SYNDIG1L: variants seen among roughly 807,000 people sequenced by gnomAD.
The protein encoded by SYNDIG1L is synapse differentiation-inducing gene protein 1-like.
A neutral mutation model predicts 20.1 loss-of-function variants in SYNDIG1L; 13 were observed. The ratio of observed to expected loss-of-function variants is 0.65; its 90% CI spans 0.42 to 1.03. The LOEUF is 1.03. Among genes scored for constraint, SYNDIG1L ranks in the 50% least tolerant of loss-of-function variants. The pLI is 0.00. For synonymous variants in SYNDIG1L, 128 were observed against 129.3 expected, an observed-to-expected ratio of 0.99 and a Z score of 0.07; for missense variants, 294 against 305.1, an observed-to-expected ratio of 0.96 and a Z score of 0.27.
rs565828503 is a variant in SYNDIG1L, at chr14:74,409,799, A to G, written c.-55T>C. The G allele has an allele frequency of 1.4e-6, 2 of 1,386,836 alleles. No individual in the cohort carries two copies. The highest frequency in any genetic ancestry group is 2.6e-5 in the East Asian group (1 of 38,336). The allele number at this position is 1,386,836 out of a possible 1,614,324, so 85.9% of individuals were successfully genotyped here. ...CCTGGGCCAGCTGAGCAGTCCTCAG[A>G]GCCTGTCAGAAGAGCAAGACAGACA... On this transcript the variant is annotated splice_region_variant and 5_prime_UTR_variant, in exon 2 of 4. Coordinates refer to ENST00000331628, the MANE Select transcript of SYNDIG1L (RefSeq NM_001105579.2).
At chr14:74,478,015 G>A in the SYNDIG1L span, among the ~76,000 whole-genome samples, 3 of 152,226 alleles carry the variant, frequency 2.0e-5, no homozygotes, top group Non-Finnish European at 2.9e-5. Flanking sequence ...CTGGCAAACA[G>A]TCACAAGCTG....
the SYNDIG1L span, among the ~76,000 whole-genome samples, chr14:74,434,752 G>A: frequency 6.6e-6 from 1 of 151,974 alleles, no homozygotes; most frequent in East Asian, 1.9e-4. Context: ...CAATGTTATA[G>A]AAACCATTTT....
chr14:74,416,829 T>G (rs1256465583), intron 1 of SYNDIG1L, among the ~76,000 whole-genome samples: 1 of 152,238 alleles, frequency 6.6e-6, no homozygotes, highest in Non-Finnish European at 1.5e-5. Context: ...AAATGCTATA[T>G]ATCATCTCAT....
chr14:74,408,921 G>A (rs1209740858), intron 2 of SYNDIG1L, among the ~76,000 whole-genome samples: 1 of 152,128 alleles, frequency 6.6e-6, no homozygotes, highest in East Asian at 1.9e-4. Flanking sequence ...CTCAAAGCTA[G>A]TGTTTCTCAA....
chr14:74,471,621 C>T, the SYNDIG1L span, among the ~76,000 whole-genome samples: 6 of 151,926 alleles, frequency 3.9e-5, no homozygotes, highest in African/African-American at 1.5e-4. Context: ...CACACATACA[C>T]ACACACACAC....
At chr14:74,427,709 A>T (rs1282794929), upstream of SYNDIG1L, among the ~76,000 whole-genome samples, 6 of 152,116 alleles carry the variant, frequency 3.9e-5, no homozygotes. Context: ...TCAGGCCCAT[A>T]CTTCATCTTC....
At chr14:74,416,649 C>CCAAA (rs113071824) in intron 1 of SYNDIG1L, among the ~76,000 whole-genome samples, 15,955 of 150,682 alleles carry the variant, frequency 0.11, 2,019 homozygotes, top group African/African-American at 0.3. Flanking sequence ...CAAAAACAAA[C>CCAAA]CAAACAAACA....
At chr14:74,415,836 G>A (rs141304811) in intron 1 of SYNDIG1L, among the ~76,000 whole-genome samples, 1,691 of 152,148 alleles carry the variant, frequency 0.011, 36 homozygotes, top group African/African-American at 0.038. Context: ...TATCAAAAAG[G>A]AGGCAAGAAA....
At chr14:74,433,918 T>A in the SYNDIG1L span, among the ~76,000 whole-genome samples, 1 of 152,014 alleles carries the variant, frequency 6.6e-6, no homozygotes, top group African/African-American at 2.4e-5. Context: ...TACAGAAAAA[T>A]TGGAACATAT....
chr14:74,429,988 C>T (rs1246539753), upstream of SYNDIG1L, among the ~76,000 whole-genome samples: 3 of 152,136 alleles, frequency 2.0e-5, no homozygotes, highest in South Asian at 2.1e-4. Context: ...GACTGCAAAA[C>T]GGAAGAAGCC....
At chr14:74,450,688 C>A in the SYNDIG1L span, among the ~76,000 whole-genome samples, 1 of 151,910 alleles carries the variant, frequency 6.6e-6, no homozygotes, top group East Asian at 1.9e-4. Flanking sequence ...ATTGTAAAGA[C>A]AATGAAAAGA....
the SYNDIG1L span, among the ~76,000 whole-genome samples, chr14:74,439,275 G>A: frequency 6.6e-6 from 1 of 152,142 alleles, no homozygotes; most frequent in African/African-American, 2.4e-5. Flanking sequence ...CATCTTACTT[G>A]TCTCTCCTTC....
rs1285567382 is a variant in SYNDIG1L at position 74,409,674 on chromosome 14, G to C, written c.71C>G (p.Pro24Arg). Residue 24 changes from proline (P) to arginine (R), a missense_variant, in exon 2 of 4, where the codon CCC becomes CGC. Physicochemically the swap from Pro to Arg is moderately radical, Grantham distance 103 (BLOSUM62 -2). Transcript: ENST00000331628. Reference protein sequence around the residue: ...RSPAHLHGPYPYPETPPSWSC... With the variant: ...RSPAHLHGPYRYPETPPSWSC... Reference sequence around the variant, plus strand: ...CCAGCTGGGTGGGGTCTCCGGGTAGGGATAGGGGCCATGGAGATGGGCAGG... The same window carrying C: ...CCAGCTGGGTGGGGTCTCCGGGTAGCGATAGGGGCCATGGAGATGGGCAGG... 1.3e-6 allele frequency: 2 copies of C among 1,494,350 alleles called. No individual in the cohort carries two copies. Among genetic ancestry groups the C allele is most frequent in the South Asian group, 2.8e-5 (2 of 70,974 alleles). The allele number at this position is 1,494,350 out of a possible 1,614,324, so 92.6% of individuals were successfully genotyped here.
At chr14:74,457,162 A>G in the SYNDIG1L span, among the ~76,000 whole-genome samples, 1 of 152,096 alleles carries the variant, frequency 6.6e-6, no homozygotes, top group Admixed American at 6.5e-5. Context: ...AGGCGACCTC[A>G]GAAAACCAGG....
At chr14:74,475,214 GGAT>G in the SYNDIG1L span, among the ~76,000 whole-genome samples, 2 of 151,426 alleles carry the variant, frequency 1.3e-5, no homozygotes, top group African/African-American at 2.4e-5. Flanking sequence ...TTTTTATCTA[GGAT>G]GATAATAATA....
intron 1 of SYNDIG1L, among the ~76,000 whole-genome samples, chr14:74,418,185 G>A (rs753187989): frequency 2.6e-5 from 4 of 152,204 alleles, no homozygotes; most frequent in East Asian, 1.9e-4. Flanking sequence ...ATGGCTTGGC[G>A]CTGGATTTGA....
intron 1 of SYNDIG1L, among the ~76,000 whole-genome samples, 164 bp from the exon 2 acceptor site, chr14:74,409,965 C>T (rs888329818): frequency 6.6e-6 from 1 of 152,184 alleles, no homozygotes; most frequent in South Asian, 2.1e-4. Context: ...TCAGGGCCTC[C>T]GTTTCTTTGT....
chr14:74,455,394 C>T, the SYNDIG1L span, among the ~76,000 whole-genome samples: 3 of 123,738 alleles, frequency 2.4e-5, no homozygotes, highest in Non-Finnish European at 4.9e-5. Context: ...CTTCCCCAAT[C>T]TTTTTTTTTT....
chr14:74,459,261 A>G, the SYNDIG1L span, among the ~76,000 whole-genome samples: 1 of 152,124 alleles, frequency 6.6e-6, no homozygotes. Flanking sequence ...CACACCTGTA[A>G]TCCCAGCACT....
Sources: gnomAD v4.1 joint callset for allele counts (sites outside exome capture counted in the v4.1 genomes callset) on GRCh38, gnomAD v4.1.1 for gene constraint, MANE v1.5 for transcripts, NCBI Gene and HGNC (gene_info 2026-07-23, HGNC 2026-07-21) for gene names.